The following NOX4 variants were observed in gnomAD, a reference collection of about 807,000 sequenced individuals.
NOX4 encodes the protein NADPH oxidase 4.
NOX4 carries 69 observed loss-of-function variants against 87.6 expected under a neutral mutation model. That is an observed-to-expected ratio of 0.79 (90% CI 0.65 to 0.96). The LOEUF is 0.96. Ranked by LOEUF, NOX4 falls within the 40% of genes least tolerant of loss-of-function variation. The probability of loss-of-function intolerance (pLI) is 0.00; values close to 1 mark genes in which losing one functional copy is unlikely to be tolerated. For synonymous variants in NOX4, 275 were observed against 238.2 expected (o/e 1.15, Z -1.42); for missense variants, 680 against 681.5 (o/e 1.00, Z 0.02).
intron 8 of NOX4, among the ~76,000 whole-genome samples, chr11:89,404,687 ATT>A (rs1448664727): frequency 6.6e-6 from 1 of 152,154 alleles, no homozygotes; most frequent in Admixed American, 6.6e-5. Context: ...CAGGGCCAAG[ATT>A]TGAATTCAGA....
At chr11:89,564,725 TTTGTTGTTG>T in the NOX4 span, among the ~76,000 whole-genome samples, 2 of 149,964 alleles carry the variant, frequency 1.3e-5, no homozygotes, top group Non-Finnish European at 3.0e-5. Context: ...GGAGGAGTTT[TTTGTTGTTG>T]TTGTTGTTGT....
chr11:89,512,553 C>T, the NOX4 span, among the ~76,000 whole-genome samples: 7 of 152,198 alleles, frequency 4.6e-5, no homozygotes, highest in South Asian at 1.4e-3. Context: ...ATTTATTTCA[C>T]TAAGCATAAC....
At chr11:89,577,849 A>T in the NOX4 span, among the ~76,000 whole-genome samples, 1 of 152,096 alleles carries the variant, frequency 6.6e-6, no homozygotes, top group Non-Finnish European at 1.5e-5. Flanking sequence ...AAATCCAGTA[A>T]ATTTTACTTT....
chr11:89,376,540 G>A (rs1939852916), intron 11 of NOX4, among the ~76,000 whole-genome samples: 1 of 152,086 alleles, frequency 6.6e-6, no homozygotes, highest in Non-Finnish European at 1.5e-5. Context: ...CAATTTTTCA[G>A]TTAAAAAGTT....
At chr11:89,487,187 C>G (rs1005821488) in intron 2 of NOX4, among the ~76,000 whole-genome samples, 1 of 152,002 alleles carries the variant, frequency 6.6e-6, no homozygotes, top group Non-Finnish European at 1.5e-5. Flanking sequence ...TGACACTGAC[C>G]ATTAAAAGGT....
rs561422337 is a variant in NOX4, at chr11:89,434,029, G to T, written c.476-1173C>A. On this transcript the variant is annotated intron_variant, in intron 6 of 17. Transcript: ENST00000263317. ...AGATAATCTTAAATCAGACTACAAA[G>T]AAAAGCTATTGGGACAATTCCATCT... is the stretch of plus-strand genomic sequence containing the variant. Among the ~76,000 whole-genome samples, 7 of 152,116 alleles carry T rather than the reference G, an allele frequency of 4.6e-5. No homozygotes were observed. The South Asian group carries it at 1.4e-3, about 31-fold the overall frequency.
At chr11:89,401,503 C>A (rs534985847) in intron 9 of NOX4, among the ~76,000 whole-genome samples, 17 of 152,180 alleles carry the variant, frequency 1.1e-4, no homozygotes, top group Admixed American at 3.3e-4. Context: ...CTTTTGACTT[C>A]TCTTTCTTCT....
At chr11:89,571,977 T>C in the NOX4 span, among the ~76,000 whole-genome samples, 1 of 152,180 alleles carries the variant, frequency 6.6e-6, no homozygotes, top group Admixed American at 6.5e-5. Flanking sequence ...GACCAAATTG[T>C]GTATTGGTGT....
At chr11:89,562,359 G>C in the NOX4 span, among the ~76,000 whole-genome samples, 1 of 151,940 alleles carries the variant, frequency 6.6e-6, no homozygotes, top group African/African-American at 2.4e-5. Context: ...GAAGCTTTTT[G>C]TTAGATAATA....
chr11:89,521,726 C>G, the NOX4 span, among the ~76,000 whole-genome samples: 1 of 151,964 alleles, frequency 6.6e-6, no homozygotes, highest in Non-Finnish European at 1.5e-5. Flanking sequence ...AAAGAAACAA[C>G]TGATAGAGTA....
At chr11:89,488,763 T>A (rs1428934505) in intron 2 of NOX4, 4 of 437,174 alleles carry the variant, frequency 9.1e-6, no homozygotes, top group Non-Finnish European at 1.6e-5. Context: ...AGATAAAGCT[T>A]CCACTGAAAA....
At chr11:89,488,841 C>A in intron 2 of NOX4, 1 of 578,548 alleles carries the variant, frequency 1.7e-6, no homozygotes, top group Non-Finnish European at 3.1e-6. Flanking sequence ...GTTATCAGAC[C>A]TCATGTGTTT....
upstream of NOX4, among the ~76,000 whole-genome samples, chr11:89,496,290 A>T (rs1318159178): frequency 6.6e-6 from 1 of 152,158 alleles, no homozygotes; most frequent in Non-Finnish European, 1.5e-5. Context: ...GCCCTTAAGG[A>T]CCAGATACTT....
At chr11:89,401,455 A>G (rs1046990743) in intron 9 of NOX4, among the ~76,000 whole-genome samples, 1 of 152,140 alleles carries the variant, frequency 6.6e-6, no homozygotes, top group Non-Finnish European at 1.5e-5. Flanking sequence ...AAACACGACT[A>G]ATACACTATT....
rs182265176 is a variant in NOX4 at position 89,450,676 on chromosome 11, C to T, written c.264+1109G>A. Among the ~76,000 whole-genome samples the T allele has an allele frequency of 1.5e-3, 226 of 151,092 alleles. 3 individuals carry two copies. Among genetic ancestry groups the T allele is most frequent in the Admixed American group, 8.5e-3 (129 of 15,134 alleles). On this transcript the variant is annotated intron_variant, in intron 3 of 17. Transcript: ENST00000263317. ...CATGCTGGTGTGCTGCACCCGTTAA[C>T]TCGTCATTTAGCATTAGGTATATCT...
chr11:89,351,332 A>G (rs918238351), intron 13 of NOX4, among the ~76,000 whole-genome samples: 7 of 152,240 alleles, frequency 4.6e-5, no homozygotes, highest in Non-Finnish European at 1.0e-4. Flanking sequence ...GGTTTAAGAA[A>G]AGAAGCCATC....
intron 17 of NOX4, among the ~76,000 whole-genome samples, chr11:89,331,205 A>G (rs1178754664): frequency 6.6e-6 from 1 of 152,042 alleles, no homozygotes; most frequent in Non-Finnish European, 1.5e-5. Flanking sequence ...AAATTTCCTC[A>G]TTTTTGGAAA....
chr11:89,521,350 C>T, the NOX4 span, among the ~76,000 whole-genome samples: 5 of 152,060 alleles, frequency 3.3e-5, no homozygotes, highest in East Asian at 3.9e-4. Context: ...ACCACTGGAC[C>T]GGAATAGAGA....
intron 2 of NOX4, among the ~76,000 whole-genome samples, chr11:89,475,027 T>A (rs1946106178): frequency 1.4e-5 from 2 of 142,806 alleles, no homozygotes; most frequent in South Asian, 2.2e-4. Flanking sequence ...AGTGTTTAAG[T>A]TTTGTGTTTT....
Sources: gnomAD v4.1 joint callset for allele counts (sites outside exome capture counted in the v4.1 genomes callset) on GRCh38, gnomAD v4.1.1 for gene constraint, MANE v1.5 for transcripts, NCBI Gene and HGNC (gene_info 2026-07-23, HGNC 2026-07-21) for gene names.